Variants in ZMYND11 observed in about 807,000 individuals in gnomAD.
ZMYND11 encodes the protein zinc finger MYND-type containing 11, also known as zinc finger MYND domain-containing protein 11.
In ZMYND11, 9 loss-of-function variants were observed where a neutral mutation model predicts 84.9. The observed-to-expected ratio is 0.11, with a 90% CI of 0.06 to 0.18. The LOEUF is 0.18. ZMYND11 is among the 10% of genes least tolerant of loss of function. The pLI is 1.00. For synonymous variants in ZMYND11, 250 were observed against 244.1 expected (o/e 1.02, Z -0.23); for missense variants, 409 against 761.0 (o/e 0.54, Z 5.44).
At chr10:144,391 G>C (rs564677128) in intron 1 of ZMYND11, among the ~76,000 whole-genome samples, 1 of 152,016 alleles carries the variant, frequency 6.6e-6, no homozygotes, top group South Asian at 2.1e-4. Context: ...GCTAATTTTT[G>C]TATTTTTTTG....
rs574760052 is a variant in ZMYND11, at chr10:252,216, C to T, written c.1687-132C>T. On this transcript the variant is annotated intron_variant, in intron 14 of 14. Coordinates refer to ENST00000381604, the MANE Select transcript of ZMYND11 (RefSeq NM_001370100.5). This position sits in a 1 kb window ranked among gnomAD's most constrained non-coding sequence, Gnocchi z 4.6. ...CCCTTTCCATCTGCTGTGCATAAAA[C>T]GTATTCAGATTCCACAAAAGGTTGA... 761 of 1,136,092 alleles carry T rather than the reference C, an allele frequency of 6.7e-4. No individual in the cohort carries two copies. The highest frequency in any genetic ancestry group is 2.1e-3 in the Admixed American group (95 of 46,154). The allele number at this position is 1,136,092 out of a possible 1,614,324, so 70.4% of individuals were successfully genotyped here.
At chr10:235,292 TTGAG>T (rs1177043113) in intron 4 of ZMYND11, among the ~76,000 whole-genome samples, 1 of 152,198 alleles carries the variant, frequency 6.6e-6, no homozygotes, top group African/African-American at 2.4e-5. Context: ...AATAAATTGC[TTGAG>T]TGAGTTCTTC....
intron 10 of ZMYND11, among the ~76,000 whole-genome samples, chr10:246,291 G>T (rs1357849374): frequency 6.6e-6 from 1 of 152,196 alleles, no homozygotes; most frequent in Non-Finnish European, 1.5e-5. Context: ...ATGAATATAT[G>T]TATGTATCTT....
At chr10:153,315 T>C (rs560687328) in intron 1 of ZMYND11, among the ~76,000 whole-genome samples, 1 of 152,366 alleles carries the variant, frequency 6.6e-6, no homozygotes, top group African/African-American at 2.4e-5. Flanking sequence ...CCAATTAAAA[T>C]GAATATTAAT....
rs1434964727 is a variant in ZMYND11, at chr10:246,614, G to C, written c.951-152G>C. ...TGTGGTTTTCGCAATTAAAAGTAAC[G>C]GCAGAACCCACAATTGCTTTTGCAC... On this transcript the variant is annotated intron_variant, in intron 10 of 14. Coordinates refer to ENST00000381604, the MANE Select transcript of ZMYND11 (RefSeq NM_001370100.5). The C allele has an allele frequency of 1.6e-5, 11 of 676,030 alleles. No individual in the cohort carries two copies. In the South Asian group the frequency reaches 1.9e-4, roughly 12 times the overall value. 41.9% of individuals were successfully genotyped at this position (676,030 alleles called of 1,614,324 possible).
At chr10:182,774 G>T (rs990191651) in intron 2 of ZMYND11, among the ~76,000 whole-genome samples, 5 of 152,102 alleles carry the variant, frequency 3.3e-5, no homozygotes, top group African/African-American at 1.2e-4. Context: ...TATTAAACTT[G>T]CCTAAGGTAA....
chr10:183,520 TCATC>T (rs956975693), intron 2 of ZMYND11, among the ~76,000 whole-genome samples: 13 of 152,168 alleles, frequency 8.5e-5, no homozygotes, highest in African/African-American at 2.9e-4. Context: ...CAAATGATAA[TCATC>T]CAATCTATCT....
At chr10:142,768 A>T (rs1294033799) in intron 1 of ZMYND11, among the ~76,000 whole-genome samples, 3 of 152,238 alleles carry the variant, frequency 2.0e-5, no homozygotes, top group Non-Finnish European at 4.4e-5. Flanking sequence ...GTAGAAAGAC[A>T]GGAGTATTAG....
rs980638213 is a variant in ZMYND11, at chr10:253,422, C to T, written c.*952C>T. ...GAAAGCACTTAAGTTTCACAGAAGC[C>T]GTTATGTTTGTAGTAATGGGTCATT... On this transcript the variant is annotated 3_prime_UTR_variant, in exon 15 of 15. Transcript: ENST00000381604. The T allele has an allele frequency of 2.0e-5, 3 of 152,546 alleles. No individual in the cohort carries two copies. Among genetic ancestry groups the T allele is most frequent in the Non-Finnish European group, 2.9e-5 (2 of 68,020 alleles). 9.4% of individuals were successfully genotyped at this position (152,546 alleles called of 1,614,324 possible).
At chr10:229,144 GAAGA>G (rs758859386) in intron 4 of ZMYND11, among the ~76,000 whole-genome samples, 16 of 152,196 alleles carry the variant, frequency 1.1e-4, no homozygotes, top group Non-Finnish European at 2.2e-4. Context: ...TTCCTTTAGA[GAAGA>G]AAGAGTTGGC....
At chr10:233,257 A>G (rs767877961) in intron 4 of ZMYND11, among the ~76,000 whole-genome samples, 6 of 152,298 alleles carry the variant, frequency 3.9e-5, no homozygotes, top group Middle Eastern at 3.4e-3. Flanking sequence ...CACAAGTCTT[A>G]GCTGTGCCGT....
chr10:177,177 G>T (rs1554767141), intron 1 of ZMYND11, among the ~76,000 whole-genome samples: 1 of 152,160 alleles, frequency 6.6e-6, no homozygotes, highest in African/African-American at 2.4e-5. Flanking sequence ...TTAAATGAGT[G>T]AATGAATTTA....
At chr10:142,054 T>C (rs1243629500) in intron 1 of ZMYND11, among the ~76,000 whole-genome samples, 1 of 152,238 alleles carries the variant, frequency 6.6e-6, no homozygotes, top group Non-Finnish European at 1.5e-5. Context: ...AAGCAGTTTT[T>C]AGGAAGCTGG....
chr10:142,309 T>A (rs1490404888), intron 1 of ZMYND11, among the ~76,000 whole-genome samples: 1 of 152,108 alleles, frequency 6.6e-6, no homozygotes, highest in Non-Finnish European at 1.5e-5. Flanking sequence ...CCCACGCTGG[T>A]CCCAAACTCC....
At chr10:188,698 A>AT (rs1939472763) in intron 2 of ZMYND11, among the ~76,000 whole-genome samples, 1 of 152,144 alleles carries the variant, frequency 6.6e-6, no homozygotes, top group South Asian at 2.1e-4. Flanking sequence ...AGTTACATAT[A>AT]TCACTTCCTT....
At chr10:172,374 A>G (rs1845546903) in intron 1 of ZMYND11, among the ~76,000 whole-genome samples, 1 of 152,200 alleles carries the variant, frequency 6.6e-6, no homozygotes, top group Non-Finnish European at 1.5e-5. Context: ...TAACAAAAAC[A>G]CCCTGGAACT....
intron 6 of ZMYND11, 75 bp from the exon 7 acceptor site, chr10:239,358 CTGCTT>C: frequency 8.9e-7 from 1 of 1,125,108 alleles, no homozygotes; most frequent in Non-Finnish European, 1.3e-6. Flanking sequence ...CTAGAAAAGA[CTGCTT>C]GTCCTGTGAA....
chr10:169,219 G>A (rs1285139111), intron 1 of ZMYND11, among the ~76,000 whole-genome samples: 1 of 152,056 alleles, frequency 6.6e-6, no homozygotes, highest in Non-Finnish European at 1.5e-5. Flanking sequence ...CCCACATAAG[G>A]GGGGAAACTG....
intron 2 of ZMYND11, among the ~76,000 whole-genome samples, chr10:190,590 C>A (rs927999288): frequency 6.6e-6 from 1 of 152,152 alleles, no homozygotes; most frequent in African/African-American, 2.4e-5. Context: ...TTAAAATTCT[C>A]TTTTGATTTC....
Sources: allele counts gnomAD v4.1 joint callset (sites outside exome capture counted in the v4.1 genomes callset), GRCh38; gene constraint gnomAD v4.1.1; non-coding constraint Gnocchi (gnomAD v3.1); transcripts MANE v1.5; gene names NCBI Gene and HGNC (gene_info 2026-07-23, HGNC 2026-07-21).